The following SORCS3 variants were observed in gnomAD, a reference collection of about 807,000 sequenced individuals.
SORCS3 encodes sortilin related VPS10 domain containing receptor 3.
In SORCS3, 57 loss-of-function variants were observed where a neutral mutation model predicts 146.3. The observed-to-expected ratio is 0.39, with a 90% CI of 0.31 to 0.49. The LOEUF (loss-of-function observed/expected upper bound fraction) is 0.49. Ranked by LOEUF, SORCS3 falls within the 20% of genes least tolerant of loss-of-function variation. SORCS3 has a pLI of 0.92. For missense variants in SORCS3, 1,341 were observed against 1,575.5 expected (o/e 0.85, Z 2.52); for synonymous variants, 653 against 618.5 (o/e 1.06, Z -0.83).
At chr10:105,086,531 T>G (rs1236433002) in intron 5 of SORCS3, among the ~76,000 whole-genome samples, 1 of 152,206 alleles carries the variant, frequency 6.6e-6, no homozygotes, top group Non-Finnish European at 1.5e-5. Context: ...TGGAAGGAAG[T>G]AAGCCTTCCT....
chr10:105,157,777 A>T (rs149338985), intron 10 of SORCS3, among the ~76,000 whole-genome samples: 36 of 152,272 alleles, frequency 2.4e-4, no homozygotes, highest in Non-Finnish European at 3.8e-4. Flanking sequence ...ACCATGGAAG[A>T]CATGATGTGT....
chr10:104,973,248 T>C (rs2054872346), intron 3 of SORCS3, among the ~76,000 whole-genome samples: 1 of 152,010 alleles, frequency 6.6e-6, no homozygotes, highest in South Asian at 2.1e-4. Flanking sequence ...TTCTATTGAT[T>C]GGAATAGTTT....
At chr10:105,001,873 T>C (rs980495328) in intron 4 of SORCS3, among the ~76,000 whole-genome samples, 5 of 148,432 alleles carry the variant, frequency 3.4e-5, no homozygotes, top group African/African-American at 1.3e-4. Flanking sequence ...AAGAGGAAAC[T>C]AGGGTTTTAG....
At chr10:105,136,318 G>T (rs1288204748) in intron 7 of SORCS3, among the ~76,000 whole-genome samples, 1 of 152,108 alleles carries the variant, frequency 6.6e-6, no homozygotes, top group Non-Finnish European at 1.5e-5. Flanking sequence ...GAAAAAAGAG[G>T]GTTAGCTAAT....
At chr10:104,652,140 T>C (rs2015570871) in intron 1 of SORCS3, among the ~76,000 whole-genome samples, 2 of 152,036 alleles carry the variant, frequency 1.3e-5, no homozygotes, top group South Asian at 4.2e-4. Flanking sequence ...GCAAGTATGA[T>C]TTAAAAAAAT....
At chr10:104,930,860 C>T (rs7071429) in intron 3 of SORCS3, among the ~76,000 whole-genome samples, 43,076 of 152,144 alleles carry the variant, frequency 0.28, 8,000 homozygotes, top group African/African-American at 0.53. Flanking sequence ...TAGTACCCAT[C>T]TCCTTAGCTG....
chr10:105,217,840 T>G (rs773018286), intron 19 of SORCS3: 2 of 454,130 alleles, frequency 4.4e-6, no homozygotes, highest in South Asian at 1.6e-5. Context: ...TATTGTGATT[T>G]TAGGATGTCG....
chr10:104,982,575 AT>A (rs988224314), intron 4 of SORCS3, among the ~76,000 whole-genome samples: 1 of 152,188 alleles, frequency 6.6e-6, no homozygotes, highest in African/African-American at 2.4e-5. Context: ...AAAGAAAAAC[AT>A]TGCATTTTTA....
intron 4 of SORCS3, among the ~76,000 whole-genome samples, chr10:105,039,451 CTTT>C (rs920662213): frequency 3.1e-5 from 3 of 96,548 alleles, no homozygotes; most frequent in African/African-American, 8.4e-5. Context: ...CTCTCGCTCT[CTTT>C]TTTTTTTTTT....
intron 4 of SORCS3, among the ~76,000 whole-genome samples, chr10:104,991,330 A>G (rs1042503061): frequency 6.6e-6 from 1 of 152,124 alleles, no homozygotes; most frequent in Non-Finnish European, 1.5e-5. Flanking sequence ...TCTGGAGGCC[A>G]TACATTTCTG....
At chr10:105,239,790 T>C (rs933236125) in intron 20 of SORCS3, among the ~76,000 whole-genome samples, 14 of 152,318 alleles carry the variant, frequency 9.2e-5, no homozygotes, top group Non-Finnish European at 1.3e-4. Context: ...TTTGAGTAGA[T>C]GAACCTTAAA....
intron 3 of SORCS3, among the ~76,000 whole-genome samples, chr10:104,932,350 T>C (rs2019216556): frequency 6.6e-6 from 1 of 152,190 alleles, no homozygotes; most frequent in Non-Finnish European, 1.5e-5. Flanking sequence ...GCATGCTGAG[T>C]GTACCCTGAA....
At chr10:105,186,750 G>A (rs1340218429) in intron 14 of SORCS3, among the ~76,000 whole-genome samples, 1 of 151,948 alleles carries the variant, frequency 6.6e-6, no homozygotes, top group East Asian at 1.9e-4. Context: ...TGGGCGTAGT[G>A]GTGGGCACTT....
intron 1 of SORCS3, among the ~76,000 whole-genome samples, chr10:104,674,461 T>C (rs1463466884): frequency 6.6e-6 from 1 of 152,252 alleles, no homozygotes; most frequent in Non-Finnish European, 1.5e-5. Context: ...AAAGCCTTTG[T>C]GTTTTTAGCT....
chr10:104,858,918 G>T (rs554157038), intron 2 of SORCS3, among the ~76,000 whole-genome samples: 27 of 140,214 alleles, frequency 1.9e-4, no homozygotes, highest in Non-Finnish European at 3.9e-4. Context: ...ACCGCACCTG[G>T]CCTGAGAAGT....
chr10:104,896,471 C>T (rs2018798996), intron 2 of SORCS3, among the ~76,000 whole-genome samples: 1 of 152,180 alleles, frequency 6.6e-6, no homozygotes, highest in African/African-American at 2.4e-5. Flanking sequence ...TCAAAGAAGG[C>T]ATAATTTAAA....
intron 1 of SORCS3, among the ~76,000 whole-genome samples, chr10:104,722,691 C>T (rs1010522764): frequency 1.3e-5 from 2 of 152,112 alleles, no homozygotes; most frequent in African/African-American, 4.8e-5. Context: ...TCAGCTTCTT[C>T]CTGGTTTAGT....
At chr10:105,116,440 T>C (rs2055893946) in intron 7 of SORCS3, among the ~76,000 whole-genome samples, 1 of 152,220 alleles carries the variant, frequency 6.6e-6, no homozygotes, top group South Asian at 2.1e-4. Flanking sequence ...CTGGTGGGAA[T>C]GTAAATTAGT....
intron 1 of SORCS3, among the ~76,000 whole-genome samples, chr10:104,771,512 C>G (rs2017249557): frequency 3.9e-5 from 6 of 152,120 alleles, no homozygotes; most frequent in Admixed American, 3.9e-4. Flanking sequence ...AGGGTTCATC[C>G]TCGGGACCTC....
Sources: allele counts gnomAD v4.1 joint callset (sites outside exome capture counted in the v4.1 genomes callset), GRCh38; gene constraint gnomAD v4.1.1; transcripts MANE v1.5; gene names NCBI Gene and HGNC (gene_info 2026-07-23, HGNC 2026-07-21).